The following NFKB1 variants were observed in gnomAD, a reference collection of about 807,000 sequenced individuals.
NFKB1 encodes nuclear factor kappa B subunit 1, also known as nuclear factor NF-kappa-B p105 subunit.
NFKB1 carries 9 observed loss-of-function variants against 105.1 expected under a neutral mutation model. That is an observed-to-expected ratio of 0.09 (90% CI 0.05 to 0.15). NFKB1 has a LOEUF of 0.15. Among genes scored for constraint, NFKB1 ranks in the 10% least tolerant of loss-of-function variants. The pLI is 1.00. For synonymous variants in NFKB1, 440 were observed against 442.2 expected (o/e 1.00, Z 0.06); for missense variants, 830 against 1,203.7 (o/e 0.69, Z 4.59).
chr4:102,545,336 A>T (rs1387732973), intron 5 of NFKB1, among the ~76,000 whole-genome samples: 4 of 152,134 alleles, frequency 2.6e-5, no homozygotes, highest in African/African-American at 4.8e-5. Flanking sequence ...ACTTTCACAG[A>T]CAATGCTTTT....
chr4:102,525,150 T>G (rs1740826928), intron 1 of NFKB1, among the ~76,000 whole-genome samples: 1 of 152,184 alleles, frequency 6.6e-6, no homozygotes, highest in Non-Finnish European at 1.5e-5. Context: ...GAACTAAGAC[T>G]GTAAATCGTT....
intron 6 of NFKB1, among the ~76,000 whole-genome samples, chr4:102,569,413 A>G (rs1380524851): frequency 1.3e-5 from 2 of 152,144 alleles, no homozygotes; most frequent in Admixed American, 1.3e-4. Flanking sequence ...ATGAAATAAC[A>G]TGAGCAAACT....
chr4:102,513,222 G>GT (rs1038396566), intron 1 of NFKB1, among the ~76,000 whole-genome samples: 2 of 152,176 alleles, frequency 1.3e-5, no homozygotes, highest in Non-Finnish European at 2.9e-5. Context: ...ATGAACAGAG[G>GT]TATTGAAGCA....
chr4:102,538,356 T>G (rs1289088966), intron 5 of NFKB1, among the ~76,000 whole-genome samples: 1 of 152,224 alleles, frequency 6.6e-6, no homozygotes, highest in Non-Finnish European at 1.5e-5. Flanking sequence ...AGATTATGAA[T>G]TTGGATCCAG....
chr4:102,585,699 G>T (rs749340916), intron 11 of NFKB1, among the ~76,000 whole-genome samples: 6 of 152,204 alleles, frequency 3.9e-5, no homozygotes, highest in Non-Finnish European at 7.3e-5. Context: ...ATAAGAGAAT[G>T]TTGAAGAGAG....
At position 102,616,617 on chromosome 4, in the gene NFKB1, G is replaced by A. The variant is rs4648143; in HGVS notation, c.*23G>A. 5.8e-3 allele frequency: 9,377 copies of A among 1,608,756 alleles called. 36 individuals carry two copies. The highest frequency in any genetic ancestry group is 6.4e-3 in the Non-Finnish European group (7,571 of 1,176,786). ...TAGCCTGCTGACAATTTCCCACACCGTGTAAACCAAAGCCCTAAAATTCCA... is the reference window on the plus strand; with the variant it reads ...TAGCCTGCTGACAATTTCCCACACCATGTAAACCAAAGCCCTAAAATTCCA... On this transcript the variant is annotated 3_prime_UTR_variant, in exon 24 of 24. Coordinates refer to ENST00000226574, the MANE Select transcript of NFKB1 (RefSeq NM_003998.4).
chr4:102,602,813 A>T (rs574512033), intron 16 of NFKB1, among the ~76,000 whole-genome samples: 148 of 152,274 alleles, frequency 9.7e-4, no homozygotes, highest in African/African-American at 3.2e-3. Context: ...TTTACATTTA[A>T]AGGATGTCTT....
At chr4:102,541,884 T>C (rs996004676) in intron 5 of NFKB1, among the ~76,000 whole-genome samples, 14 of 152,144 alleles carry the variant, frequency 9.2e-5, no homozygotes, top group Admixed American at 2.6e-4. Flanking sequence ...TGTCATGCCT[T>C]TGTGAGAGCG....
intron 2 of NFKB1, among the ~76,000 whole-genome samples, chr4:102,529,320 A>T (rs1741126227): frequency 6.6e-6 from 1 of 152,110 alleles, no homozygotes. Context: ...TTATATTTTC[A>T]GTTATTCTGT....
chr4:102,525,811 T>C (rs960111379), intron 2 of NFKB1, among the ~76,000 whole-genome samples: 6 of 152,224 alleles, frequency 3.9e-5, no homozygotes, highest in Non-Finnish European at 5.9e-5. Flanking sequence ...ATTAGCTTTC[T>C]AGAGCTACCA....
chr4:102,560,821 G>A (rs1270874916), intron 5 of NFKB1, among the ~76,000 whole-genome samples: 1 of 152,202 alleles, frequency 6.6e-6, no homozygotes, highest in Non-Finnish European at 1.5e-5. Context: ...GAGGCCCAAG[G>A]GTCTTTACAA....
chr4:102,551,367 T>TGTATGCGCGCGC (rs370790173), intron 5 of NFKB1, among the ~76,000 whole-genome samples: 1 of 150,094 alleles, frequency 6.7e-6, no homozygotes, highest in African/African-American at 2.4e-5. Context: ...TGTGTGTGTG[T>TGTATGCGCGCGC]GCGCGCGCGC....
chr4:102,550,426 C>G (rs1048324770), intron 5 of NFKB1, among the ~76,000 whole-genome samples: 2 of 152,106 alleles, frequency 1.3e-5, no homozygotes, highest in Admixed American at 6.6e-5. Flanking sequence ...TTAAAAATCT[C>G]GAGTTCATAC....
intron 11 of NFKB1, among the ~76,000 whole-genome samples, chr4:102,587,158 G>C (rs530459429): frequency 6.6e-6 from 1 of 152,176 alleles, no homozygotes; most frequent in Admixed American, 6.6e-5. Context: ...TCGGCCTTCC[G>C]AGAGGCTGTC....
intron 6 of NFKB1, among the ~76,000 whole-genome samples, chr4:102,569,083 T>C (rs996474253): frequency 1.3e-5 from 2 of 152,068 alleles, no homozygotes; most frequent in Non-Finnish European, 2.9e-5. Context: ...GCTGAGAAAT[T>C]TTTGCTTACA....
chr4:102,597,702 G>T, intron 15 of NFKB1, 41 bp downstream of exon 15: 1 of 1,589,050 alleles, frequency 6.3e-7, no homozygotes, highest in Non-Finnish European at 8.6e-7. Flanking sequence ...CCTGGGTGGG[G>T]AAGAAGAAGA....
rs4647969 is a variant in NFKB1, at chr4:102,508,582, A to G, written c.-8+6794A>G. ...TCAAACCAAGCAAAAAACCTGGGGA[A>G]CTACTTTTCAGAGGAGATGGCTTAA... On this transcript the variant is annotated intron_variant, in intron 1 of 23. Coordinates refer to ENST00000226574, the MANE Select transcript of NFKB1 (RefSeq NM_003998.4). Among the ~76,000 whole-genome samples, 9 of 152,308 alleles carry G rather than the reference A, an allele frequency of 5.9e-5. No individual in the cohort carries two copies. The East Asian group carries it at 1.3e-3, about 23-fold the overall frequency.
chr4:102,597,369 C>T, intron 14 of NFKB1, 151 bp from the exon 15 acceptor site: 2 of 756,156 alleles, frequency 2.6e-6, no homozygotes, highest in Non-Finnish European at 4.0e-6. Flanking sequence ...TTCTAGTCCA[C>T]ACAATCCAAA....
intron 1 of NFKB1, among the ~76,000 whole-genome samples, chr4:102,518,890 A>C (rs1443041892): frequency 6.6e-6 from 1 of 152,192 alleles, no homozygotes; most frequent in African/African-American, 2.4e-5. Flanking sequence ...TGTTCCAAGA[A>C]AGCAAGAATG....
Sources: allele counts gnomAD v4.1 joint callset (sites outside exome capture counted in the v4.1 genomes callset), GRCh38; gene constraint gnomAD v4.1.1; transcripts MANE v1.5; gene names NCBI Gene and HGNC (gene_info 2026-07-23, HGNC 2026-07-21).